Variants in SS18 observed in about 807,000 individuals in gnomAD.
SS18 encodes the protein SS18 subunit of BAF chromatin remodeling complex, also known as protein SSXT.
In SS18, 28 loss-of-function variants were observed where a neutral mutation model predicts 72.5. The ratio of observed to expected loss-of-function variants is 0.39; its 90% CI spans 0.29 to 0.53. The LOEUF (loss-of-function observed/expected upper bound fraction) is 0.53, where lower values mean the gene tolerates loss of function less well. Ranked by LOEUF, SS18 falls within the 20% of genes least tolerant of loss-of-function variation. The pLI is 0.76. For missense variants in SS18, 518 were observed against 535.3 expected (o/e 0.97, Z 0.32); for synonymous variants, 172 against 164.2 (o/e 1.05, Z -0.37).
rs1331289981 is a variant in SS18, at chr18:26,017,585, T to A, written c.*769A>T. ...AAGCCTCCTCAGATCCAACACAAAG[T>A]AATTCTTATTGCCTCACATTTTAAA... On this transcript the variant is annotated 3_prime_UTR_variant, in exon 11 of 11. Transcript: ENST00000415083. 2.0e-5 allele frequency: 4 copies of A among 202,530 alleles called. No homozygotes were observed. The highest frequency in any genetic ancestry group is 4.1e-5 in the Non-Finnish European group (4 of 98,348). 12.5% of individuals were successfully genotyped at this position (202,530 alleles called of 1,614,324 possible).
chr18:26,067,353 T>A (rs753984137), intron 3 of SS18, among the ~76,000 whole-genome samples: 5 of 152,192 alleles, frequency 3.3e-5, no homozygotes, highest in Non-Finnish European at 5.9e-5. Context: ...AACTAAGTGT[T>A]TTTAATACTA....
intron 5 of SS18, 128 bp downstream of exon 5, chr18:26,052,496 T>C (rs2053938934): frequency 1.4e-6 from 1 of 691,946 alleles, no homozygotes; most frequent in Non-Finnish European, 2.5e-6. Flanking sequence ...ATCTCCTTTT[T>C]ATGGGCATGA....
chr18:26,080,315 C>G, intron 2 of SS18: 1 of 985,118 alleles, frequency 1.0e-6, no homozygotes, highest in South Asian at 4.7e-5. Context: ...CTGTTTCAGT[C>G]TAGGCCTTCA....
intron 2 of SS18, among the ~76,000 whole-genome samples, chr18:26,079,741 C>T (rs544905526): frequency 6.6e-6 from 1 of 152,178 alleles, no homozygotes; most frequent in Admixed American, 6.5e-5. Flanking sequence ...TACCACCACA[C>T]GGTGCTAAAT....
At chr18:26,023,334 A>G (rs2053385615) in intron 10 of SS18, among the ~76,000 whole-genome samples, 1 of 152,226 alleles carries the variant, frequency 6.6e-6, no homozygotes. Context: ...TGTAGAGATG[A>G]AAATGACAAA....
chr18:26,090,422 C>CG, intron 1 of SS18, 79 bp downstream of exon 1: 1 of 1,454,624 alleles, frequency 6.9e-7, no homozygotes, highest in Non-Finnish European at 9.4e-7. Flanking sequence ...CGGTCGACTC[C>CG]GGGCCCGGCC....
chr18:26,059,341 T>C (rs187628328), intron 3 of SS18, among the ~76,000 whole-genome samples: 8 of 152,076 alleles, frequency 5.3e-5, no homozygotes, highest in Admixed American at 3.3e-4. Flanking sequence ...ACAGCTCAAG[T>C]AGAAAGTGCA....
At chr18:26,081,363 G>A (rs1389689222) in intron 2 of SS18, 2 of 152,048 alleles carry the variant, frequency 1.3e-5, no homozygotes, top group African/African-American at 4.8e-5. Flanking sequence ...GCCAATTTTT[G>A]TACTTTTAGT....
At chr18:26,052,565 T>G (rs2053940118) in intron 5 of SS18, 59 bp downstream of exon 5, 1 of 1,373,758 alleles carries the variant, frequency 7.3e-7, no homozygotes, top group African/African-American at 1.4e-5. Context: ...ACAACAATCA[T>G]TTTACTTTTC....
chr18:26,074,264 AG>A (rs1258646093), intron 3 of SS18, among the ~76,000 whole-genome samples: 1 of 152,040 alleles, frequency 6.6e-6, no homozygotes, highest in African/African-American at 2.4e-5. Context: ...TACCAGAGTA[AG>A]AAAAATGTAA....
At position 26,071,383 on chromosome 18, in the gene SS18, GCAGT is replaced by G. The variant is rs528478790; in HGVS notation, c.231+6689_231+6692del. Among the ~76,000 whole-genome samples, 3 of 152,292 alleles carry G rather than the reference GCAGT, an allele frequency of 2.0e-5. No homozygotes were observed. In the South Asian group the frequency reaches 6.2e-4, roughly 32 times the overall value. On this transcript the variant is annotated intron_variant, in intron 3 of 10. Coordinates refer to ENST00000415083, the MANE Select transcript of SS18 (RefSeq NM_001007559.3). ...CCTAGACAAAGCAAAACTCTTAAATGCAGTCAAATAAGCAGATTATGTTCAAAAT... is the reference window on the plus strand; with the variant it reads ...CCTAGACAAAGCAAAACTCTTAAATGCAAATAAGCAGATTATGTTCAAAAT...
intron 3 of SS18, among the ~76,000 whole-genome samples, chr18:26,069,384 G>C (rs1385016555): frequency 6.6e-6 from 1 of 151,462 alleles, no homozygotes; most frequent in East Asian, 1.9e-4. Flanking sequence ...TTCTCAAAAT[G>C]TCATTGGATA....
At chr18:26,044,537 T>G (rs1041015367) in intron 5 of SS18, among the ~76,000 whole-genome samples, 1 of 151,848 alleles carries the variant, frequency 6.6e-6, no homozygotes, top group African/African-American at 2.4e-5. Context: ...TTGGCCAGGT[T>G]GGTCTCAAAC....
At chr18:26,053,959 C>T (rs2053967574) in intron 4 of SS18, among the ~76,000 whole-genome samples, 1 of 152,142 alleles carries the variant, frequency 6.6e-6, no homozygotes, top group South Asian at 2.1e-4. Context: ...AGTTGTCCCT[C>T]AGTATCTGTG....
At chr18:26,036,919 T>C (rs1304799582) in intron 7 of SS18, among the ~76,000 whole-genome samples, 6 of 152,116 alleles carry the variant, frequency 3.9e-5, no homozygotes, top group African/African-American at 4.8e-5. Flanking sequence ...CATAGCTGCT[T>C]TCATGCTACA....
At chr18:26,079,906 T>G (rs1245432950) in intron 2 of SS18, among the ~76,000 whole-genome samples, 1 of 152,016 alleles carries the variant, frequency 6.6e-6, no homozygotes, top group African/African-American at 2.4e-5. Flanking sequence ...CTTTGCTACT[T>G]ATTTTTCTCC....
intron 3 of SS18, among the ~76,000 whole-genome samples, chr18:26,073,019 C>T (rs1330258244): frequency 1.3e-5 from 2 of 151,992 alleles, no homozygotes; most frequent in Admixed American, 1.3e-4. Context: ...TAGAACTCTG[C>T]TCTCAGTGGC....
intron 1 of SS18, among the ~76,000 whole-genome samples, chr18:26,089,222 AAAAAAG>A (rs1211231085): frequency 2.6e-5 from 4 of 152,364 alleles, no homozygotes; most frequent in African/African-American, 9.6e-5. Flanking sequence ...AACTATAAAA[AAAAAAG>A]AAAAACTCTG....
chr18:26,036,786 C>T (rs1256489480), intron 7 of SS18, among the ~76,000 whole-genome samples: 1 of 152,056 alleles, frequency 6.6e-6, no homozygotes, highest in Non-Finnish European at 1.5e-5. Flanking sequence ...CCCAAGCCAC[C>T]TCATAAATAC....
Sources: gnomAD v4.1 joint callset for allele counts (sites outside exome capture counted in the v4.1 genomes callset) on GRCh38, gnomAD v4.1.1 for gene constraint, MANE v1.5 for transcripts, NCBI Gene and HGNC (gene_info 2026-07-23, HGNC 2026-07-21) for gene names.